DIAPH2: variants seen among roughly 807,000 people sequenced by gnomAD.
DIAPH2 encodes protein diaphanous homolog 2.
In DIAPH2, 35 loss-of-function variants were observed where a neutral mutation model predicts 92.7. The ratio of observed to expected loss-of-function variants is 0.38; its 90% CI spans 0.29 to 0.50. The LOEUF (loss-of-function observed/expected upper bound fraction) is 0.50, where lower values mean the gene tolerates loss of function less well. Among genes scored for constraint, DIAPH2 ranks in the 20% least tolerant of loss-of-function variants. The pLI is 0.94. For missense variants in DIAPH2, 701 were observed against 819.5 expected (o/e 0.86, Z 1.77); for synonymous variants, 301 against 280.4 (o/e 1.07, Z -0.73).
intron 26 of DIAPH2, among the ~76,000 whole-genome samples, chrX:97,446,011 C>G (rs2070306976): frequency 9.1e-6 from 1 of 110,001 alleles, no homozygotes; most frequent in East Asian, 2.8e-4. Context: ...GGGGAAGAAG[C>G]GTTTAAAAGG....
At chrX:96,764,155 T>G (rs975656795) in intron 4 of DIAPH2, among the ~76,000 whole-genome samples, 1 of 111,282 alleles carries the variant, frequency 9.0e-6, no homozygotes, top group Non-Finnish European at 1.9e-5. Context: ...AATCAAACCT[T>G]AAATTATGCA....
At chrX:97,326,202 A>G (rs2147661390) in intron 23 of DIAPH2, among the ~76,000 whole-genome samples, 1 of 112,446 alleles carries the variant, frequency 8.9e-6, no homozygotes, top group Admixed American at 9.5e-5. Context: ...AAGGAACAAA[A>G]GCATGTCATT....
chrX:97,566,842 A>T (rs764360001), intron 26 of DIAPH2, among the ~76,000 whole-genome samples: 23 of 111,984 alleles, frequency 2.1e-4, no homozygotes, highest in African/African-American at 7.1e-4. Flanking sequence ...ATGGAAATGT[A>T]TACATAAAAC....
chrX:96,913,811 A>G (rs1399781237), intron 7 of DIAPH2, among the ~76,000 whole-genome samples: 2 of 110,980 alleles, frequency 1.8e-5, no homozygotes, highest in East Asian at 2.8e-4. Context: ...TGAATTTTAG[A>G]CAATAATTTT....
chrX:96,729,956 TC>T (rs1316058556), intron 1 of DIAPH2, among the ~76,000 whole-genome samples: 15 of 112,085 alleles, frequency 1.3e-4, no homozygotes, highest in Non-Finnish European at 1.9e-4. Context: ...ATCTGTAACT[TC>T]ATCTTCTCAA....
At chrX:97,496,286 C>T (rs2070757667) in intron 26 of DIAPH2, among the ~76,000 whole-genome samples, 1 of 104,948 alleles carries the variant, frequency 9.5e-6, no homozygotes, top group Non-Finnish European at 1.9e-5. Flanking sequence ...AGAGATTCTC[C>T]TCCCTCAGCC....
chrX:97,178,435 A>G (rs1023237986), intron 22 of DIAPH2, among the ~76,000 whole-genome samples: 3 of 96,263 alleles, frequency 3.1e-5, no homozygotes, highest in Non-Finnish European at 6.1e-5. Context: ...TGACAGGCCT[A>G]TATTTCTCTT....
At chrX:96,962,298 T>C (rs191937178) in intron 16 of DIAPH2, among the ~76,000 whole-genome samples, 2,508 of 50,130 alleles carry the variant, frequency 0.05, 120 homozygotes, top group Non-Finnish European at 0.071. Context: ...TATATATATA[T>C]ACATATATAT....
chrX:97,110,061 A>T (rs1418822218), intron 20 of DIAPH2, among the ~76,000 whole-genome samples: 1 of 112,263 alleles, frequency 8.9e-6, no homozygotes, highest in Non-Finnish European at 1.9e-5. Context: ...TTGTAGAAGT[A>T]AAATATTACT....
At chrX:97,361,520 G>A (rs1040617043) in intron 24 of DIAPH2, among the ~76,000 whole-genome samples, 3 of 112,201 alleles carry the variant, frequency 2.7e-5, no homozygotes, top group African/African-American at 9.7e-5. Flanking sequence ...GCCTTTAGCT[G>A]CCTAGTGACA....
intron 17 of DIAPH2, among the ~76,000 whole-genome samples, chrX:97,026,461 A>G (rs932404321): frequency 2.7e-5 from 3 of 112,524 alleles, no homozygotes; most frequent in Admixed American, 9.4e-5. Flanking sequence ...TTTGCAGTAC[A>G]TCTGAGTTAT....
intron 17 of DIAPH2, among the ~76,000 whole-genome samples, chrX:97,012,001 A>G (rs1443891816): frequency 9.1e-6 from 1 of 109,747 alleles, no homozygotes; most frequent in Non-Finnish European, 1.9e-5. Context: ...ACTGTTAGAG[A>G]ATGATGTTAC....
chrX:96,890,068 T>C (rs2065296936), intron 5 of DIAPH2, among the ~76,000 whole-genome samples: 1 of 111,481 alleles, frequency 9.0e-6, no homozygotes, highest in Admixed American at 9.5e-5. Flanking sequence ...AGGGAGAACA[T>C]GTTGTACATT....
At chrX:97,436,683 C>T (rs974612766) in intron 26 of DIAPH2, among the ~76,000 whole-genome samples, 1 of 111,972 alleles carries the variant, frequency 8.9e-6, no homozygotes, top group African/African-American at 3.3e-5. Flanking sequence ...TCTACATACA[C>T]ATTCAGCACC....
At chrX:97,446,237 T>TA (rs1320725457) in intron 26 of DIAPH2, among the ~76,000 whole-genome samples, 1 of 112,185 alleles carries the variant, frequency 8.9e-6, no homozygotes. Flanking sequence ...TCTACACTCT[T>TA]AAAAAAACTT....
At chrX:96,871,530 G>A (rs368325049) in intron 4 of DIAPH2, among the ~76,000 whole-genome samples, 2 of 107,852 alleles carry the variant, frequency 1.9e-5, no homozygotes, top group African/African-American at 6.8e-5. Context: ...AGGACAGTGG[G>A]TGGAGTAAAT....
intron 4 of DIAPH2, among the ~76,000 whole-genome samples, chrX:96,778,836 G>T (rs1334511992): frequency 9.0e-6 from 1 of 111,527 alleles, no homozygotes; most frequent in African/African-American, 3.3e-5. Context: ...AACATTGTGG[G>T]CAAGGATGCT....
At chrX:97,562,545 A>AT in intron 26 of DIAPH2, among the ~76,000 whole-genome samples, 1 of 108,035 alleles carries the variant, frequency 9.3e-6, no homozygotes, top group Non-Finnish European at 1.9e-5. Context: ...CAAAAAAAAA[A>AT]TTAAGAAAGG....
chrX:97,292,224 G>C (rs1039177706), intron 23 of DIAPH2, among the ~76,000 whole-genome samples: 1 of 110,383 alleles, frequency 9.1e-6, no homozygotes, highest in Non-Finnish European at 1.9e-5. Flanking sequence ...TGTAGAAACA[G>C]GGTCTTGCCA....
Sources: allele counts gnomAD v4.1 joint callset (sites outside exome capture counted in the v4.1 genomes callset), GRCh38; gene constraint gnomAD v4.1.1; transcripts MANE v1.5; gene names NCBI Gene and HGNC (gene_info 2026-07-23, HGNC 2026-07-21).